The following BNIP3 variants were observed in gnomAD, a reference collection of about 807,000 sequenced individuals.
BNIP3 encodes BCL2 interacting protein 3.
A neutral mutation model predicts 23.9 loss-of-function variants in BNIP3; 16 were observed. The ratio of observed to expected loss-of-function variants is 0.67; its 90% CI spans 0.45 to 1.01. The LOEUF is 1.01. Among genes scored for constraint, BNIP3 ranks in the 50% least tolerant of loss-of-function variants. The pLI, the probability that BNIP3 is intolerant of heterozygous loss-of-function variation, is 0.00. For synonymous variants in BNIP3, 81 were observed against 89.3 expected (o/e 0.91, Z 0.53); for missense variants, 198 against 248.7 (o/e 0.80, Z 1.37).
chr10:131,970,348 C>T lies in BNIP3; in HGVS notation c.539+290G>A. Reference sequence around the variant, plus strand: ...AGACTGCTTTCACCTACACACAGGACAAAGAGGTCAGACCTAAGAAGCCCT... The same window carrying T: ...AGACTGCTTTCACCTACACACAGGATAAAGAGGTCAGACCTAAGAAGCCCT... On this transcript the variant is annotated intron_variant, in intron 5 of 5. Transcript: ENST00000368636. This position sits in a 1 kb window ranked among gnomAD's most constrained non-coding sequence, Gnocchi z 4.1. 2.1e-6 allele frequency: 1 copy of T among 472,826 alleles called. No individual in the cohort carries two copies. The highest frequency in any genetic ancestry group is 2.0e-5 in the African/African-American group (1 of 51,218). 29.3% of individuals were successfully genotyped at this position (472,826 alleles called of 1,614,324 possible).
chr10:131,975,017 C>A (rs2133693979), intron 1 of BNIP3, among the ~76,000 whole-genome samples: 1 of 152,328 alleles, frequency 6.6e-6, no homozygotes. Flanking sequence ...GTTCTTTTCA[C>A]TTCTGATGTC....
intron 1 of BNIP3, 102 bp downstream of exon 1, chr10:131,981,659 C>G: frequency 7.8e-7 from 1 of 1,289,044 alleles, no homozygotes; most frequent in East Asian, 3.2e-5. Context: ...GCCCGCGATG[C>G]CCCCTAGGCC....
At chr10:131,969,496 G>A (rs879276338) in intron 5 of BNIP3, 16 of 152,350 alleles carry the variant, frequency 1.1e-4, no homozygotes, top group Admixed American at 1.0e-3. Context: ...GGGTTATGGG[G>A]GGGACGTGAG....
At position 131,981,891 on chromosome 10, in the gene BNIP3, C is replaced by G. The variant is rs925180732; in HGVS notation, c.-85G>C. 4 of 1,350,674 alleles carry G rather than the reference C, an allele frequency of 3.0e-6. No homozygotes were observed. Among genetic ancestry groups the G allele is most frequent in the East Asian group, 3.1e-5 (1 of 32,144 alleles). 83.7% of individuals were successfully genotyped at this position (1,350,674 alleles called of 1,614,324 possible). On this transcript the variant is annotated 5_prime_UTR_variant, in exon 1 of 6. Coordinates refer to ENST00000368636, the MANE Select transcript of BNIP3 (RefSeq NM_004052.4). ...CTGCGGGCGGTGGGAAAGCGGAGGT[C>G]GGAGCGCCGCGGCCCAGCTGCGCTC... is the stretch of plus-strand genomic sequence containing the variant.
At chr10:131,974,177 A>G (rs973047271) in intron 1 of BNIP3, among the ~76,000 whole-genome samples, 3 of 152,266 alleles carry the variant, frequency 2.0e-5, no homozygotes, top group African/African-American at 7.2e-5. Flanking sequence ...GAGACCATGT[A>G]TCTGTCCAGC....
At chr10:131,981,698 T>TTGGCCTTCCTC (rs2037120043) in intron 1 of BNIP3, 63 bp downstream of exon 1, 1 of 1,441,104 alleles carries the variant, frequency 6.9e-7, no homozygotes, top group Non-Finnish European at 9.1e-7. Context: ...TGGCGCCCTC[T>TTGGCCTTCCTC]TGGCCTTCCC....
At chr10:131,968,841 T>G (rs1488289299) in intron 5 of BNIP3, 5 of 326,668 alleles carry the variant, frequency 1.5e-5, no homozygotes, top group African/African-American at 8.4e-5. Context: ...ACAGAAAGCT[T>G]CTGCTTTGTT....
At chr10:131,975,869 T>C (rs1283544770) in intron 1 of BNIP3, among the ~76,000 whole-genome samples, 1 of 152,126 alleles carries the variant, frequency 6.6e-6, no homozygotes, top group Non-Finnish European at 1.5e-5. Flanking sequence ...ACATCCCTAA[T>C]ACAAAGGCAA....
chr10:131,973,686 G>A lies in BNIP3; in HGVS notation c.197+107C>T, dbSNP rs145577053. ...GCCAGTCCAGAACGCGGCCCGAGGC[G>A]AACAGCAGCCCACTGTCCTAGAGGT... is the stretch of plus-strand genomic sequence containing the variant. On this transcript the variant is annotated intron_variant, in intron 2 of 5. Coordinates refer to ENST00000368636, the MANE Select transcript of BNIP3 (RefSeq NM_004052.4). 2,920 of 1,498,898 alleles carry A rather than the reference G, an allele frequency of 1.9e-3. 8 individuals are homozygous for A. The highest frequency in any genetic ancestry group is 2.1e-3 in the Non-Finnish European group (2,357 of 1,108,948). 92.8% of individuals were successfully genotyped at this position (1,498,898 alleles called of 1,614,324 possible).
At chr10:131,981,550 C>T (rs1184718417) in intron 1 of BNIP3, among the ~76,000 whole-genome samples, 12 of 152,230 alleles carry the variant, frequency 7.9e-5, no homozygotes. Flanking sequence ...AGTGGCGAGG[C>T]CGCGAACCCC....
At position 131,973,351 on chromosome 10, in the gene BNIP3, T is replaced by G. The variant is rs1196082554; in HGVS notation, c.198-233A>C. ...CTTCCAGAGAAGACGCAGGGGCAACTGGCAAGCAGCTGGCTTTGTCACCTG... is the reference window on the plus strand; with the variant it reads ...CTTCCAGAGAAGACGCAGGGGCAACGGGCAAGCAGCTGGCTTTGTCACCTG... On this transcript the variant is annotated intron_variant, in intron 2 of 5. Transcript: ENST00000368636. 7.6e-6 allele frequency: 4 copies of G among 524,456 alleles called. No homozygotes were observed. The Admixed American group carries it at 1.3e-4, about 17-fold the overall frequency. The allele number at this position is 524,456 out of a possible 1,614,324, so 32.5% of individuals were successfully genotyped here. A position where few individuals can be genotyped will look rare whatever the true frequency, so the allele number is the denominator to read the frequency against.
chr10:131,973,675 C>T (rs771160676), intron 2 of BNIP3, 118 bp downstream of exon 2: 48 of 1,427,506 alleles, frequency 3.4e-5, no homozygotes, highest in South Asian at 1.2e-4. Context: ...GTCCAGAACG[C>T]GGCCCGAGGC....
intron 3 of BNIP3, chr10:131,971,239 CTG>C (rs1334777081): frequency 2.4e-5 from 11 of 463,198 alleles, no homozygotes; most frequent in Admixed American, 1.8e-4. Flanking sequence ...ATTTGGTTCA[CTG>C]TGAGATTCTG....
At chr10:131,974,718 T>C (rs1247058886) in intron 1 of BNIP3, among the ~76,000 whole-genome samples, 1 of 152,252 alleles carries the variant, frequency 6.6e-6, no homozygotes, top group African/African-American at 2.4e-5. Context: ...TGCATTTATA[T>C]AATTTCTAAC....
At chr10:131,971,291 C>T (rs1384905083) in intron 3 of BNIP3, 8 of 342,000 alleles carry the variant, frequency 2.3e-5, no homozygotes, top group Admixed American at 1.3e-4. Flanking sequence ...AGGGAAGTCA[C>T]GTGACATGAG....
At position 131,968,347 on chromosome 10, in the gene BNIP3, T is replaced by C. The variant is rs2036989832; in HGVS notation, c.*177A>G. 1 of 564,640 alleles carries C rather than the reference T, an allele frequency of 1.8e-6. No homozygotes were observed. Among genetic ancestry groups the C allele is most frequent in the Non-Finnish European group, 3.1e-6 (1 of 319,228 alleles). 35.0% of individuals were successfully genotyped at this position (564,640 alleles called of 1,614,324 possible). A position where few individuals can be genotyped will look rare whatever the true frequency, so the allele number is the denominator to read the frequency against. On this transcript the variant is annotated 3_prime_UTR_variant, in exon 6 of 6. Coordinates refer to ENST00000368636, the MANE Select transcript of BNIP3 (RefSeq NM_004052.4). Reference sequence around the variant, plus strand: ...CTTATTGATCCCATAGGTGTAATTATAGATCAACATGATTTTAGTGTCTAT... The same window carrying C: ...CTTATTGATCCCATAGGTGTAATTACAGATCAACATGATTTTAGTGTCTAT...
At position 131,978,953 on chromosome 10, in the gene BNIP3, G is replaced by GACA. The variant is rs2037098908; in HGVS notation, c.46+2805_46+2807dup. The stretch of plus-strand genomic sequence containing the variant: ...GGGAGAGAACAAAAGAGACCCGCCT[G>GACA]ACAAAAGATTTCAAGTATCAAGTCA... On this transcript the variant is annotated intron_variant, in intron 1 of 5. Transcript: ENST00000368636. Among the ~76,000 whole-genome samples, 3 of 152,304 alleles carry GACA rather than the reference G, an allele frequency of 2.0e-5. No homozygotes were observed. In the South Asian group the frequency reaches 6.2e-4, roughly 32 times the overall value.
At position 131,976,034 on chromosome 10, in the gene BNIP3, C is replaced by T. The variant is rs911475076; in HGVS notation, c.47-2091G>A. On this transcript the variant is annotated intron_variant, in intron 1 of 5. Transcript: ENST00000368636. The surrounding 1 kb of genome is among the most constrained non-coding windows in gnomAD (Gnocchi z 4.3). ...TCTGACCAGACAGTATTGCCAAGTA[C>T]TCTGATGTTCACTAGCCCTCCTTCC... is the stretch of plus-strand genomic sequence containing the variant. 2.0e-5 allele frequency among the ~76,000 whole-genome samples: 3 copies of T among 152,338 alleles called. No individual in the cohort carries two copies. The highest frequency in any genetic ancestry group is 7.2e-5 in the African/African-American group (3 of 41,586).
At chr10:131,971,485 C>T (rs917506672) in intron 3 of BNIP3, 4 of 157,416 alleles carry the variant, frequency 2.5e-5, no homozygotes, top group Non-Finnish European at 4.2e-5. Context: ...CGGCCAAATC[C>T]TCAGAATTAT....
Sources: allele counts gnomAD v4.1 joint callset (sites outside exome capture counted in the v4.1 genomes callset), GRCh38; gene constraint gnomAD v4.1.1; non-coding constraint Gnocchi (gnomAD v3.1); transcripts MANE v1.5; gene names NCBI Gene and HGNC (gene_info 2026-07-23, HGNC 2026-07-21).